AIG1: variants seen among roughly 807,000 people sequenced by gnomAD.
AIG1 encodes androgen induced 1.
AIG1 carries 23 observed loss-of-function variants against 31.4 expected under a neutral mutation model. The ratio of observed to expected loss-of-function variants is 0.73; its 90% confidence interval spans 0.53 to 1.04. The LOEUF (loss-of-function observed/expected upper bound fraction) is 1.04, where lower values mean the gene tolerates loss of function less well. Among genes scored for constraint, AIG1 ranks in the 50% least tolerant of loss-of-function variants. The pLI is 0.00. For missense variants in AIG1, 274 were observed against 295.0 expected, an observed-to-expected ratio of 0.93 and a Z score of 0.52; for synonymous variants, 100 against 110.5, an observed-to-expected ratio of 0.90 and a Z score of 0.60.
intron 3 of AIG1, among the ~76,000 whole-genome samples, chr6:143,184,573 G>T (rs1457276196): frequency 2.6e-5 from 4 of 152,208 alleles, no homozygotes; most frequent in Non-Finnish European, 4.4e-5. Context: ...TTAGGTGACA[G>T]ATCCTATCAG....
At chr6:143,075,150 C>G (rs1038854878) in intron 1 of AIG1, among the ~76,000 whole-genome samples, 3 of 152,138 alleles carry the variant, frequency 2.0e-5, no homozygotes, top group African/African-American at 4.8e-5. Flanking sequence ...AATCATACTT[C>G]ATTGCTGATA....
chr6:143,333,530 G>A lies in AIG1; in HGVS notation c.679+85G>A. ...GAGACTGAGGGAAAATTCCACTGTA[G>A]CCTCTTCTTTTAGCCTTCACACAGG... On this transcript the variant is annotated intron_variant, in intron 5 of 5. Transcript: ENST00000357847. The surrounding 1 kb of genome is among the most constrained non-coding windows in gnomAD (Gnocchi z 4.6). The A allele has an allele frequency of 5.7e-6, 8 of 1,411,190 alleles. No homozygotes were observed. Among genetic ancestry groups the A allele is most frequent in the Non-Finnish European group, 7.7e-6 (8 of 1,035,796 alleles). The allele number at this position is 1,411,190 out of a possible 1,614,324, so 87.4% of individuals were successfully genotyped here. A position where few individuals can be genotyped will look rare whatever the true frequency, so the allele number is the denominator to read the frequency against.
At chr6:143,252,003 CG>C (rs1451710986) in intron 3 of AIG1, among the ~76,000 whole-genome samples, 8 of 152,192 alleles carry the variant, frequency 5.3e-5, no homozygotes, top group Non-Finnish European at 1.0e-4. Context: ...GTCCCTTTCG[CG>C]TATCACTTAT....
rs1430433628 is a variant in AIG1 at position 143,284,615 on chromosome 6, A to G, written c.515+390A>G. ...CAAATGAGAACAGAAGTGACCTCTT[A>G]GAGCAATGACTTAAAACTTACTAGG... is the stretch of plus-strand genomic sequence containing the variant. On this transcript the variant is annotated intron_variant, in intron 4 of 5. Transcript: ENST00000357847. The surrounding 1 kb of genome is among the most constrained non-coding windows in gnomAD (Gnocchi z 4.4). Among the ~76,000 whole-genome samples the G allele has an allele frequency of 6.6e-6, 1 of 152,196 alleles. No individual in the cohort carries two copies. Among genetic ancestry groups the G allele is most frequent in the African/African-American group, 2.4e-5 (1 of 41,444 alleles).
At chr6:143,342,256 G>A (rs1268618230), downstream of AIG1, 17 of 684,256 alleles carry the variant, frequency 2.5e-5, no homozygotes, top group Non-Finnish European at 8.0e-6. Flanking sequence ...ATGGGGTGGC[G>A]AGGCTGGGCG....
At chr6:143,201,838 C>T (rs985993259) in intron 3 of AIG1, among the ~76,000 whole-genome samples, 3 of 152,170 alleles carry the variant, frequency 2.0e-5, no homozygotes, top group African/African-American at 7.2e-5. Flanking sequence ...GAAAGATAGC[C>T]TGCTTCTAGT....
rs947887339 is a variant in AIG1 at position 143,256,788 on chromosome 6, A to G, written c.400-27322A>G. On this transcript the variant is annotated intron_variant, in intron 3 of 5. Coordinates refer to ENST00000357847, the MANE Select transcript of AIG1 (RefSeq NM_016108.4). This position sits in a 1 kb window ranked among gnomAD's most constrained non-coding sequence, Gnocchi z 4.6. Reference sequence around the variant, plus strand: ...ATTTTGACACATTAGAAGAAAAAATAAAGTTATATTATTTTAAAAACAGTC... The same window carrying G: ...ATTTTGACACATTAGAAGAAAAAATGAAGTTATATTATTTTAAAAACAGTC... Among the ~76,000 whole-genome samples the G allele has an allele frequency of 6.6e-6, 1 of 152,224 alleles. No individual in the cohort carries two copies. Among genetic ancestry groups the G allele is most frequent in the African/African-American group, 2.4e-5 (1 of 41,456 alleles).
intron 3 of AIG1, among the ~76,000 whole-genome samples, chr6:143,265,171 G>A (rs973189182): frequency 6.6e-6 from 1 of 152,104 alleles, no homozygotes; most frequent in Admixed American, 6.5e-5. Flanking sequence ...TGAACTACAA[G>A]CCTGGCAGTT....
chr6:143,189,937 C>T, intron 3 of AIG1: 1 of 665,600 alleles, frequency 1.5e-6, no homozygotes, highest in Non-Finnish European at 1.9e-6. Flanking sequence ...TGGGTGCCAG[C>T]ATGGTTGGGT....
intron 2 of AIG1, among the ~76,000 whole-genome samples, chr6:143,157,162 T>G (rs1440572157): frequency 6.6e-6 from 1 of 152,254 alleles, no homozygotes; most frequent in Non-Finnish European, 1.5e-5. Context: ...TTAAAAAACC[T>G]TTTTGATTAA....
rs1798149907 is a variant in AIG1 at position 143,292,842 on chromosome 6, ATTG to A, written c.515+8623_515+8625del. Among the ~76,000 whole-genome samples, 1 of 151,954 alleles carries A rather than the reference ATTG, an allele frequency of 6.6e-6. No homozygotes were observed. The highest frequency in any genetic ancestry group is 2.1e-4 in the South Asian group (1 of 4,822). The stretch of plus-strand genomic sequence containing the variant: ...TAACTGGCACTCAGTTCCAGTGGCC[ATTG>A]TTGTTCTGTTTATACGCTAGGAATA... On this transcript the variant is annotated intron_variant, in intron 4 of 5. Transcript: ENST00000357847. This position sits in a 1 kb window ranked among gnomAD's most constrained non-coding sequence, Gnocchi z 4.9.
chr6:143,190,332 T>C (rs1428385160), intron 3 of AIG1: 1 of 985,364 alleles, frequency 1.0e-6, no homozygotes, highest in Non-Finnish European at 1.2e-6. Flanking sequence ...GAGCTTTTGA[T>C]GCTTGAGGCT....
chr6:143,235,661 A>G (rs540396299), intron 3 of AIG1, among the ~76,000 whole-genome samples: 2 of 152,282 alleles, frequency 1.3e-5, no homozygotes, highest in East Asian at 1.9e-4. Context: ...TGAGGCCCCT[A>G]TAACAAAGAT....
chr6:143,316,259 A>G (rs1775731135), intron 4 of AIG1, among the ~76,000 whole-genome samples: 1 of 152,098 alleles, frequency 6.6e-6, no homozygotes, highest in Non-Finnish European at 1.5e-5. Flanking sequence ...GTTTCCCTCT[A>G]TCAGATTTAC....
chr6:143,185,477 C>G (rs1484003789), intron 3 of AIG1, among the ~76,000 whole-genome samples: 2 of 152,196 alleles, frequency 1.3e-5, no homozygotes, highest in African/African-American at 4.8e-5. Flanking sequence ...GCCCTTGTCT[C>G]CCATTCAGAA....
At chr6:143,205,353 G>C (rs1360550560) in intron 3 of AIG1, among the ~76,000 whole-genome samples, 2 of 152,222 alleles carry the variant, frequency 1.3e-5, no homozygotes. Context: ...CAAAGCTGCA[G>C]TGACCATGGC....
chr6:143,138,497 G>A (rs1783955151), intron 2 of AIG1, among the ~76,000 whole-genome samples: 1 of 151,938 alleles, frequency 6.6e-6, no homozygotes, highest in Admixed American at 6.6e-5. Flanking sequence ...TATATATCAT[G>A]TATACATTTT....
intron 4 of AIG1, among the ~76,000 whole-genome samples, chr6:143,309,038 G>A (rs1775045241): frequency 6.6e-6 from 1 of 151,844 alleles, no homozygotes; most frequent in Non-Finnish European, 1.5e-5. Flanking sequence ...AGAGTGGGGG[G>A]CTTCCTTTTA....
At chr6:143,106,579 A>G (rs1371297423) in intron 1 of AIG1, among the ~76,000 whole-genome samples, 1 of 152,236 alleles carries the variant, frequency 6.6e-6, no homozygotes, top group African/African-American at 2.4e-5. Flanking sequence ...TACCAAATAC[A>G]AAAAGTAGAT....
Sources: gnomAD v4.1 joint callset for allele counts (sites outside exome capture counted in the v4.1 genomes callset) on GRCh38, gnomAD v4.1.1 for gene constraint, Gnocchi (gnomAD v3.1) non-coding constraint, MANE v1.5 for transcripts, NCBI Gene and HGNC (gene_info 2026-07-23, HGNC 2026-07-21) for gene names.